GABRG3: variants seen among roughly 807,000 people sequenced by gnomAD.
GABRG3 encodes gamma-aminobutyric acid receptor subunit gamma-3.
Under a neutral mutation model 48.8 loss-of-function variants are expected in GABRG3, and 25 were observed. That is an observed-to-expected ratio of 0.51 (90% confidence interval 0.37 to 0.72). The LOEUF is 0.72. GABRG3 is among the 30% of genes least tolerant of loss of function. The probability of loss-of-function intolerance (pLI) is 0.00; values close to 1 mark genes in which losing one functional copy is unlikely to be tolerated. For missense variants in GABRG3, 394 were observed against 577.9 expected (o/e 0.68, Z 3.26); for synonymous variants, 227 against 217.6 (o/e 1.04, Z -0.38).
At chr15:27,401,966 AAAG>A (rs1887487240) in intron 5 of GABRG3, among the ~76,000 whole-genome samples, 1 of 152,220 alleles carries the variant, frequency 6.6e-6, no homozygotes, top group South Asian at 2.1e-4. Context: ...AAACACTGAG[AAAG>A]AAGAATTTTG....
intron 5 of GABRG3, chr15:27,341,086 A>G (rs1336503633): frequency 5.1e-6 from 2 of 393,220 alleles, no homozygotes; most frequent in African/African-American, 4.2e-5. Context: ...CCAGGTCAGC[A>G]ACTCTTCCGA....
intron 3 of GABRG3, among the ~76,000 whole-genome samples, chr15:27,266,661 C>T (rs1371502287): frequency 6.6e-6 from 1 of 152,188 alleles, no homozygotes; most frequent in Non-Finnish European, 1.5e-5. Flanking sequence ...GACATACAAA[C>T]ACAGTCTATT....
At chr15:27,046,104 T>C (rs947966552) in intron 3 of GABRG3, among the ~76,000 whole-genome samples, 2 of 149,868 alleles carry the variant, frequency 1.3e-5, no homozygotes, top group African/African-American at 4.8e-5. Context: ...TTCTTTTTTA[T>C]TTTTTTGAGA....
chr15:27,449,131 T>C (rs1212514979), intron 5 of GABRG3, among the ~76,000 whole-genome samples: 2 of 152,220 alleles, frequency 1.3e-5, no homozygotes, highest in African/African-American at 4.8e-5. Context: ...GCTTTTCTTC[T>C]GAAATAGGTG....
chr15:27,486,574 G>A (rs1890224902), intron 6 of GABRG3, among the ~76,000 whole-genome samples: 1 of 152,210 alleles, frequency 6.6e-6, no homozygotes, highest in South Asian at 2.1e-4. Context: ...GGAGCACAGG[G>A]GGCAGGAGCT....
At chr15:27,379,852 G>C (rs1190225601) in intron 5 of GABRG3, among the ~76,000 whole-genome samples, 1 of 152,106 alleles carries the variant, frequency 6.6e-6, no homozygotes, top group East Asian at 1.9e-4. Flanking sequence ...GCTATTCTTT[G>C]TGTCTTTGAT....
At position 26,974,004 on chromosome 15, in the gene GABRG3, T is replaced by G. The variant is rs1894890974; in HGVS notation, c.53+2416T>G. ...CCACATTCTAATGGGTCCCCTGAGA[T>G]GAGATTTCATTTTTGTCAAAGCAAG... is the stretch of plus-strand genomic sequence containing the variant. On this transcript the variant is annotated intron_variant, in intron 1 of 9. Coordinates refer to ENST00000615808, the MANE Select transcript of GABRG3 (RefSeq NM_033223.5). The surrounding 1 kb of genome is among the most constrained non-coding windows in gnomAD (Gnocchi z 4.3). 6.6e-6 allele frequency among the ~76,000 whole-genome samples: 1 copy of G among 152,186 alleles called. No homozygotes were observed.
In GABRG3 at chr15:27,352,073, GTGTA is replaced by G. The variant is rs1490938163; in HGVS notation, c.574+23188_574+23191del. 6.6e-6 allele frequency among the ~76,000 whole-genome samples: 1 copy of G among 151,066 alleles called. No homozygotes were observed. The highest frequency in any genetic ancestry group is 1.5e-5 in the Non-Finnish European group (1 of 67,720). On this transcript the variant is annotated intron_variant, in intron 5 of 9. Transcript: ENST00000615808. This position sits in a 1 kb window ranked among gnomAD's most constrained non-coding sequence, Gnocchi z 4.0. Reference sequence around the variant, plus strand: ...TATGGTATGTGTGTATCGTGTGTGTGTGTATGGTGCATGTGTGTGTATGATGTGT... The same window carrying G: ...TATGGTATGTGTGTATCGTGTGTGTGTGGTGCATGTGTGTGTATGATGTGT...
intron 3 of GABRG3, among the ~76,000 whole-genome samples, chr15:27,256,440 C>CAAA (rs532681313): frequency 0.061 from 2,511 of 40,960 alleles, 85 homozygotes; most frequent in African/African-American, 0.16. Context: ...GACTCCGTCT[C>CAAA]AAAAAAAAAA....
chr15:27,140,221 T>TA (rs1898079381), intron 3 of GABRG3, among the ~76,000 whole-genome samples: 1 of 152,112 alleles, frequency 6.6e-6, no homozygotes, highest in African/African-American at 2.4e-5. Flanking sequence ...GGCCTGGACT[T>TA]GTGACTGGTG....
At chr15:27,488,220 G>T (rs1252923253) in intron 6 of GABRG3, among the ~76,000 whole-genome samples, 1 of 152,152 alleles carries the variant, frequency 6.6e-6, no homozygotes, top group Non-Finnish European at 1.5e-5. Context: ...CCTCCAGGAG[G>T]CCATTTTCAG....
At chr15:27,016,688 C>T (rs751741445) in intron 2 of GABRG3, among the ~76,000 whole-genome samples, 17 of 152,108 alleles carry the variant, frequency 1.1e-4, no homozygotes, top group African/African-American at 3.9e-4. Flanking sequence ...TTCAAATAGT[C>T]TCTTTCCCCC....
At chr15:27,439,564 G>T (rs189309923) in intron 5 of GABRG3, among the ~76,000 whole-genome samples, 2 of 152,284 alleles carry the variant, frequency 1.3e-5, no homozygotes, top group East Asian at 1.9e-4. Flanking sequence ...TCCCACGGGG[G>T]TCCATGTATG....
chr15:27,437,370 A>G (rs939275186), intron 5 of GABRG3, among the ~76,000 whole-genome samples: 4 of 152,200 alleles, frequency 2.6e-5, no homozygotes, highest in Non-Finnish European at 4.4e-5. Flanking sequence ...TTTTGGTACA[A>G]ACAAATTTCT....
At chr15:26,979,917 G>C (rs1406170695) in intron 2 of GABRG3, among the ~76,000 whole-genome samples, 1 of 152,188 alleles carries the variant, frequency 6.6e-6, no homozygotes, top group African/African-American at 2.4e-5. Context: ...ATAAGGGTTT[G>C]TGTTAATTCT....
At chr15:27,258,711 TCCAC>T (rs527465649) in intron 3 of GABRG3, among the ~76,000 whole-genome samples, 69 of 152,356 alleles carry the variant, frequency 4.5e-4, no homozygotes, top group Non-Finnish European at 8.7e-4. Context: ...AATTAGCATA[TCCAC>T]CACCTCAAAT....
intron 5 of GABRG3, chr15:27,341,026 TAA>T: frequency 2.0e-6 from 1 of 502,224 alleles, no homozygotes; most frequent in Non-Finnish European, 4.0e-6. Context: ...TGCTGAGAAA[TAA>T]ACAGACTTCA....
chr15:27,027,536 T>G (rs1373701446), intron 3 of GABRG3, among the ~76,000 whole-genome samples: 1 of 151,792 alleles, frequency 6.6e-6, no homozygotes, highest in Admixed American at 6.5e-5. Context: ...GACTTAAATT[T>G]CTTCTTTTCA....
intron 3 of GABRG3, among the ~76,000 whole-genome samples, chr15:27,200,314 A>G (rs1460392656): frequency 2.6e-5 from 4 of 152,194 alleles, no homozygotes; most frequent in African/African-American, 9.7e-5. Context: ...TCTATTACAG[A>G]GGTGGAATTC....
Sources: allele counts gnomAD v4.1 joint callset (sites outside exome capture counted in the v4.1 genomes callset), GRCh38; gene constraint gnomAD v4.1.1; non-coding constraint Gnocchi (gnomAD v3.1); transcripts MANE v1.5; gene names NCBI Gene and HGNC (gene_info 2026-07-23, HGNC 2026-07-21).